Variants in RTL4 observed in about 807,000 individuals in gnomAD.
RTL4 encodes retrotransposon Gag like 4.
In RTL4, 4 loss-of-function variants were observed where a neutral mutation model predicts 5.3. That is an observed-to-expected ratio of 0.75 (90% CI 0.37 to 1.72). RTL4 has a LOEUF of 1.72. Ranked by LOEUF, RTL4 falls within the 40% of genes most tolerant of loss-of-function variation. RTL4 has a pLI of 0.04. For synonymous variants in RTL4, 98 were observed against 87.3 expected, an observed-to-expected ratio of 1.12 and a Z score of -0.68; for missense variants, 260 against 227.1, an observed-to-expected ratio of 1.14 and a Z score of -0.93.
the RTL4 span, among the ~76,000 whole-genome samples, chrX:112,443,583 C>T: frequency 8.9e-6 from 1 of 112,004 alleles, no homozygotes; most frequent in South Asian, 3.7e-4. Context: ...TCCTCCATAT[C>T]TTCACCAACA....
chrX:112,445,995 G>A, the RTL4 span, among the ~76,000 whole-genome samples: 1 of 111,522 alleles, frequency 9.0e-6, no homozygotes, highest in Non-Finnish European at 1.9e-5. Flanking sequence ...CAATGAAAAG[G>A]AAGAGTTCTA....
the RTL4 span, among the ~76,000 whole-genome samples, chrX:112,185,962 G>T: frequency 9.0e-6 from 1 of 111,001 alleles, no homozygotes; most frequent in Non-Finnish European, 1.9e-5. Flanking sequence ...ACAAAGGGAA[G>T]TGGGGGATAA....
the RTL4 span, among the ~76,000 whole-genome samples, chrX:112,262,702 C>T: frequency 9.0e-6 from 1 of 110,822 alleles, no homozygotes; most frequent in Non-Finnish European, 1.9e-5. Context: ...GGGTATATAC[C>T]CAAAGGATTA....
chrX:112,351,147 G>A, the RTL4 span, among the ~76,000 whole-genome samples: 1 of 111,182 alleles, frequency 9.0e-6, no homozygotes, highest in Non-Finnish European at 1.9e-5. Flanking sequence ...TCAGGAGCAG[G>A]TTGTTCAGTT....
the RTL4 span, among the ~76,000 whole-genome samples, chrX:112,379,465 G>T: frequency 8.9e-6 from 1 of 112,238 alleles, no homozygotes. Context: ...CATGAATAAT[G>T]ATACTTTTGT....
the RTL4 span, among the ~76,000 whole-genome samples, chrX:112,257,436 CT>C: frequency 9.0e-6 from 1 of 110,913 alleles, no homozygotes. Flanking sequence ...TCCTTTTCTG[CT>C]TTTTTTCTTA....
At chrX:112,419,575 G>GTGTATATA in the RTL4 span, among the ~76,000 whole-genome samples, 6 of 46,251 alleles carry the variant, frequency 1.3e-4, no homozygotes, top group East Asian at 7.4e-4. Context: ...GGCCAAGGTA[G>GTGTATATA]TATATATATA....
the RTL4 span, among the ~76,000 whole-genome samples, chrX:112,349,725 CTT>C: frequency 2.1e-5 from 2 of 96,921 alleles, no homozygotes; most frequent in Non-Finnish European, 4.2e-5. Flanking sequence ...TATCCTGAGA[CTT>C]TGCTGAAGTT....
At chrX:112,335,340 C>T in the RTL4 span, among the ~76,000 whole-genome samples, 1 of 111,200 alleles carries the variant, frequency 9.0e-6, no homozygotes, top group East Asian at 2.8e-4. Flanking sequence ...AAAACAGAAA[C>T]ATAAAAGGTC....
chrX:112,371,229 A>T, the RTL4 span, among the ~76,000 whole-genome samples: 2 of 111,226 alleles, frequency 1.8e-5, no homozygotes, highest in African/African-American at 3.3e-5. Flanking sequence ...ATTATTTCTT[A>T]AAAAACATCG....
chrX:112,313,607 CCTCTCT>C, the RTL4 span, among the ~76,000 whole-genome samples: 108 of 101,093 alleles, frequency 1.1e-3, 2 homozygotes, highest in South Asian at 2.3e-3. Flanking sequence ...TGCTTCAGAA[CCTCTCT>C]CTCTCTCTCT....
At chrX:112,349,904 A>C in the RTL4 span, among the ~76,000 whole-genome samples, 3 of 110,159 alleles carry the variant, frequency 2.7e-5, no homozygotes, top group African/African-American at 9.9e-5. Context: ...CACTATGTTA[A>C]ATAGGAGTGG....
chrX:112,432,245 C>G, the RTL4 span, among the ~76,000 whole-genome samples: 1 of 100,244 alleles, frequency 1.0e-5, no homozygotes. Flanking sequence ...GGTATATACC[C>G]AGTAATGGGA....
At chrX:112,376,022 C>T in the RTL4 span, among the ~76,000 whole-genome samples, 1 of 111,344 alleles carries the variant, frequency 9.0e-6, no homozygotes, top group Non-Finnish European at 1.9e-5. Context: ...TAATACCTGG[C>T]CCAGTTTCAG....
the RTL4 span, among the ~76,000 whole-genome samples, chrX:112,396,254 T>C: frequency 5.4e-5 from 6 of 110,724 alleles, no homozygotes; most frequent in Admixed American, 1.9e-4. Flanking sequence ...TGCTGTGCTG[T>C]CCCTCTCCCA....
chrX:112,284,555 G>A, the RTL4 span, among the ~76,000 whole-genome samples: 2 of 111,370 alleles, frequency 1.8e-5, no homozygotes, highest in Non-Finnish European at 3.8e-5. Context: ...CAGCAGTCAA[G>A]GTTCTCTAAA....
upstream of RTL4, among the ~76,000 whole-genome samples, chrX:112,450,499 A>G (rs930991892): frequency 8.9e-6 from 1 of 111,770 alleles, no homozygotes; most frequent in Non-Finnish European, 1.9e-5. Flanking sequence ...GCTTTGTCCC[A>G]GGATCCTCTG....
the RTL4 span, among the ~76,000 whole-genome samples, chrX:112,203,431 A>T: frequency 9.0e-6 from 1 of 111,536 alleles, no homozygotes. Flanking sequence ...CTTTCTGTAT[A>T]GGGAGTGAGG....
At chrX:112,386,869 C>T in the RTL4 span, among the ~76,000 whole-genome samples, 166 of 111,468 alleles carry the variant, frequency 1.5e-3, 1 homozygote, top group African/African-American at 4.7e-3. Flanking sequence ...TGGGTAGATA[C>T]CCAGTAGTGG....
Sources: gnomAD v4.1 joint callset for allele counts (sites outside exome capture counted in the v4.1 genomes callset) on GRCh38, gnomAD v4.1.1 for gene constraint, MANE v1.5 for transcripts, NCBI Gene and HGNC (gene_info 2026-07-23, HGNC 2026-07-21) for gene names.